DTNB: variants seen among roughly 807,000 people sequenced by gnomAD.
DTNB encodes the protein DTN-B.
A neutral mutation model predicts 90.7 loss-of-function variants in DTNB; 63 were observed. That is an observed-to-expected ratio of 0.69 (90% CI 0.57 to 0.86). The LOEUF (loss-of-function observed/expected upper bound fraction) is 0.86. Among genes scored for constraint, DTNB ranks in the 40% least tolerant of loss-of-function variants. The pLI is 0.00. For synonymous variants in DTNB, 277 were observed against 286.7 expected (o/e 0.97, Z 0.34); for missense variants, 744 against 807.1 (o/e 0.92, Z 0.95).
At chr2:25,448,770 T>C (rs1001562364) in intron 12 of DTNB, among the ~76,000 whole-genome samples, 2 of 148,636 alleles carry the variant, frequency 1.3e-5, no homozygotes, top group African/African-American at 2.5e-5. Flanking sequence ...AGGAGAATGG[T>C]GTGAACCCAG....
chr2:25,565,286 A>G (rs918817328), intron 8 of DTNB, among the ~76,000 whole-genome samples: 2 of 152,096 alleles, frequency 1.3e-5, no homozygotes, highest in African/African-American at 4.8e-5. Context: ...CCCAGGCTGG[A>G]GTGCCAGTGA....
intron 6 of DTNB, among the ~76,000 whole-genome samples, chr2:25,588,919 G>A (rs1282709335): frequency 2.0e-5 from 3 of 152,154 alleles, no homozygotes; most frequent in African/African-American, 7.2e-5. Flanking sequence ...CAGTAGCAAA[G>A]GGTTGCTAAC....
At chr2:25,572,639 C>T (rs1459590354) in intron 8 of DTNB, among the ~76,000 whole-genome samples, 2 of 151,698 alleles carry the variant, frequency 1.3e-5, no homozygotes, top group Non-Finnish European at 2.9e-5. Context: ...CCCTGCCAGA[C>T]CAAGTTCTCA....
chr2:25,536,716 G>A (rs1382753691), intron 8 of DTNB, among the ~76,000 whole-genome samples: 3 of 152,128 alleles, frequency 2.0e-5, no homozygotes, highest in Non-Finnish European at 4.4e-5. Flanking sequence ...GAGACAGAGA[G>A]CGAGAGCGAG....
At chr2:25,616,963 G>A (rs1345377436) in intron 4 of DTNB, among the ~76,000 whole-genome samples, 1,145 of 105,158 alleles carry the variant, frequency 0.011, 35 homozygotes, top group African/African-American at 0.012. Context: ...GGAAAAAAAA[G>A]ACTCATTAAC....
At chr2:25,650,370 A>G (rs1207292483) in intron 2 of DTNB, 1 of 452,378 alleles carries the variant, frequency 2.2e-6, no homozygotes, top group South Asian at 9.4e-5. Context: ...AAATGCACTA[A>G]AAGTTGAAAG....
chr2:25,541,859 C>T (rs2081330670), intron 8 of DTNB, among the ~76,000 whole-genome samples: 1 of 152,122 alleles, frequency 6.6e-6, no homozygotes, highest in African/African-American at 2.4e-5. Flanking sequence ...AAAGTTGCAC[C>T]ATTTTGAATT....
At chr2:25,384,938 G>A (rs1187410673) in intron 18 of DTNB, among the ~76,000 whole-genome samples, 1 of 151,802 alleles carries the variant, frequency 6.6e-6, no homozygotes, top group African/African-American at 2.4e-5. Context: ...GACTACAGCG[G>A]CGCGATCTTG....
chr2:25,609,152 T>C (rs149674424), intron 4 of DTNB, among the ~76,000 whole-genome samples: 1 of 152,234 alleles, frequency 6.6e-6, no homozygotes, highest in African/African-American at 2.4e-5. Flanking sequence ...ACTTACAGAA[T>C]CTGTGGGTCA....
intron 19 of DTNB, among the ~76,000 whole-genome samples, chr2:25,381,319 T>A (rs915513576): frequency 2.6e-5 from 4 of 152,224 alleles, no homozygotes; most frequent in African/African-American, 4.8e-5. Context: ...GTAAGTCAAT[T>A]GTTTCTACAT....
At chr2:25,503,352 G>A (rs2071360878) in intron 9 of DTNB, among the ~76,000 whole-genome samples, 1 of 152,014 alleles carries the variant, frequency 6.6e-6, no homozygotes, top group Non-Finnish European at 1.5e-5. Context: ...AAATTAGACA[G>A]GTGTGGTAGT....
intron 1 of DTNB, among the ~76,000 whole-genome samples, chr2:25,659,622 A>G (rs1288317528): frequency 6.6e-6 from 1 of 152,174 alleles, no homozygotes; most frequent in Non-Finnish European, 1.5e-5. Flanking sequence ...ATTATGAACA[A>G]TTCTAATCTA....
At position 25,420,467 on chromosome 2, in the gene DTNB, A is replaced by AATCAATCT. The variant is rs771676964; in HGVS notation, c.1555-933_1555-932insAGATTGAT. Among the ~76,000 whole-genome samples, 315 of 145,618 alleles carry AATCAATCT rather than the reference A, an allele frequency of 2.2e-3. 1 individual carries two copies. Among genetic ancestry groups the AATCAATCT allele is most frequent in the African/African-American group, 7.5e-3 (291 of 38,670 alleles). On this transcript the variant is annotated intron_variant, in intron 15 of 20. Coordinates refer to ENST00000406818, the MANE Select transcript of DTNB (RefSeq NM_021907.5). ...AGAAATGGTCTCTGTCATCTAAATCAATCTATCTATCTATCTATCTATCTA... is the reference window on the plus strand; with the variant it reads ...AGAAATGGTCTCTGTCATCTAAATCAATCAATCTATCTATCTATCTATCTATCTATCTA...
chr2:25,419,298 C>T lies in DTNB; in HGVS notation c.1575+217G>A, dbSNP rs141470419. The T allele has an allele frequency of 4.9e-4, 328 of 666,438 alleles. No homozygotes were observed. In the African/African-American group the frequency reaches 5.4e-3, roughly 11 times the overall value. The allele number at this position is 666,438 out of a possible 1,614,324, so 41.3% of individuals were successfully genotyped here. ...AATGCGCACAACAGATGGGTACTTA[C>T]AAGCTCTGGTTTTAAGTAAGAACAT... On this transcript the variant is annotated intron_variant, in intron 16 of 20. Coordinates refer to ENST00000406818, the MANE Select transcript of DTNB (RefSeq NM_021907.5).
chr2:25,539,886 G>A (rs779244199), intron 8 of DTNB, among the ~76,000 whole-genome samples: 7 of 152,022 alleles, frequency 4.6e-5, no homozygotes, highest in Non-Finnish European at 8.8e-5. Context: ...TAGAAATAAT[G>A]TCTTGATAGG....
intron 18 of DTNB, among the ~76,000 whole-genome samples, chr2:25,384,466 T>C (rs1365305705): frequency 6.6e-6 from 1 of 152,090 alleles, no homozygotes; most frequent in African/African-American, 2.4e-5. Flanking sequence ...TCCCCTGTGA[T>C]GGAGAGCAGG....
intron 12 of DTNB, among the ~76,000 whole-genome samples, chr2:25,435,830 C>T (rs2055559775): frequency 6.6e-6 from 1 of 152,184 alleles, no homozygotes; most frequent in African/African-American, 2.4e-5. Context: ...TTTTACATTC[C>T]TGCCAGCAAT....
intron 10 of DTNB, among the ~76,000 whole-genome samples, chr2:25,466,983 T>C (rs1438105128): frequency 6.6e-6 from 1 of 152,204 alleles, no homozygotes; most frequent in Non-Finnish European, 1.5e-5. Flanking sequence ...TGAGTGTTGG[T>C]AGGACAATTA....
Position 25,662,023 on chromosome 2 carries a change from G to A in DTNB, c.-1-9362C>T, listed in dbSNP as rs144173512. Among the ~76,000 whole-genome samples, 933 of 152,126 alleles carry A rather than the reference G, an allele frequency of 6.1e-3. 7 individuals are homozygous for A. Among genetic ancestry groups the A allele is most frequent in the African/African-American group, 0.021 (865 of 41,474 alleles). On this transcript the variant is annotated intron_variant, in intron 1 of 20. Coordinates refer to ENST00000406818, the MANE Select transcript of DTNB (RefSeq NM_021907.5). Reference sequence around the variant, plus strand: ...TACAAAAAATTAGCTGGGCATGGTCGTGGGCGCCTGTAGTCCCAGCTACTC... The same window carrying A: ...TACAAAAAATTAGCTGGGCATGGTCATGGGCGCCTGTAGTCCCAGCTACTC...
Sources: gnomAD v4.1 joint callset for allele counts (sites outside exome capture counted in the v4.1 genomes callset) on GRCh38, gnomAD v4.1.1 for gene constraint, MANE v1.5 for transcripts, NCBI Gene and HGNC (gene_info 2026-07-23, HGNC 2026-07-21) for gene names.